The following CCDC60 variants were observed in gnomAD, a reference collection of about 807,000 sequenced individuals.
CCDC60 encodes coiled-coil domain-containing protein 60.
CCDC60 carries 54 observed loss-of-function variants against 63.5 expected under a neutral mutation model. That is an observed-to-expected ratio of 0.85 (90% CI 0.68 to 1.07). CCDC60 has a LOEUF of 1.07. CCDC60 is among the 50% of genes least tolerant of loss of function. The probability of loss-of-function intolerance (pLI) is 0.00; values close to 1 mark genes in which losing one functional copy is unlikely to be tolerated. For synonymous variants in CCDC60, 206 were observed against 238.8 expected (o/e 0.86, Z 1.27); for missense variants, 651 against 684.3 (o/e 0.95, Z 0.54).
chr12:119,335,281 T>C lies in CCDC60; in HGVS notation c.90+15T>C. 1.9e-6 allele frequency: 3 copies of C among 1,560,340 alleles called. No homozygotes were observed. The highest frequency in any genetic ancestry group is 2.6e-6 in the Non-Finnish European group (3 of 1,149,836). The stretch of plus-strand genomic sequence containing the variant: ...ACCTAAGGCAGGTAAGTCTCCCCTC[T>C]GCTGAAACCAATCATGTTTTCGAGA... On this transcript the variant is annotated intron_variant, in intron 1 of 13. Coordinates refer to ENST00000327554, the MANE Select transcript of CCDC60 (RefSeq NM_178499.5).
intron 6 of CCDC60, among the ~76,000 whole-genome samples, chr12:119,503,443 C>G (rs1951907519): frequency 1.3e-5 from 2 of 152,312 alleles, no homozygotes; most frequent in South Asian, 4.1e-4. Context: ...GCTTTGGGTG[C>G]TTGGCATTTC....
intron 2 of CCDC60, among the ~76,000 whole-genome samples, chr12:119,436,619 A>C (rs1363706745): frequency 6.6e-6 from 1 of 150,630 alleles, no homozygotes; most frequent in African/African-American, 2.5e-5. Flanking sequence ...GCTCACTGCA[A>C]CCTCCGCCTC....
chr12:119,488,687 T>A, intron 4 of CCDC60, 72 bp from the exon 5 acceptor site: 2 of 1,302,720 alleles, frequency 1.5e-6, no homozygotes, highest in Non-Finnish European at 2.2e-6. Context: ...CCACTACTAT[T>A]TCTGTGGCTA....
At chr12:119,383,008 G>A (rs1479003819) in intron 1 of CCDC60, among the ~76,000 whole-genome samples, 1 of 152,190 alleles carries the variant, frequency 6.6e-6, no homozygotes, top group Non-Finnish European at 1.5e-5. Context: ...CTTGAAGCTG[G>A]TCTTGCAGGC....
intron 13 of CCDC60, among the ~76,000 whole-genome samples, chr12:119,533,120 T>A (rs1431664487): frequency 1.3e-5 from 2 of 152,234 alleles, no homozygotes; most frequent in East Asian, 3.8e-4. Flanking sequence ...CTAACTGGCA[T>A]GAGATGGTAT....
intron 2 of CCDC60, chr12:119,447,666 A>C (rs765384170): frequency 3.3e-5 from 5 of 152,288 alleles, no homozygotes; most frequent in Admixed American, 6.5e-5. Flanking sequence ...TCTCGAAAAA[A>C]ACATATTGAA....
At chr12:119,416,507 A>C (rs1227579006) in intron 1 of CCDC60, among the ~76,000 whole-genome samples, 1 of 152,200 alleles carries the variant, frequency 6.6e-6, no homozygotes, top group Non-Finnish European at 1.5e-5. Context: ...TAGAAAATGA[A>C]GTTCTTTATT....
intron 2 of CCDC60, among the ~76,000 whole-genome samples, chr12:119,459,740 A>C (rs1255101669): frequency 6.6e-6 from 1 of 152,164 alleles, no homozygotes; most frequent in African/African-American, 2.4e-5. Flanking sequence ...GAACTGACTC[A>C]GTGCAAGAAG....
intron 1 of CCDC60, among the ~76,000 whole-genome samples, chr12:119,378,968 T>G (rs1955982148): frequency 6.6e-6 from 1 of 152,174 alleles, no homozygotes; most frequent in African/African-American, 2.4e-5. Context: ...CAACACATTC[T>G]GGTGGGTCTG....
intron 2 of CCDC60, among the ~76,000 whole-genome samples, chr12:119,459,579 T>C (rs968550558): frequency 3.9e-5 from 6 of 152,200 alleles, no homozygotes; most frequent in Non-Finnish European, 8.8e-5. Context: ...ACAAGATTCC[T>C]GACCACCCCC....
intron 2 of CCDC60, among the ~76,000 whole-genome samples, chr12:119,450,790 G>A (rs190137236): frequency 1.8e-3 from 276 of 151,880 alleles, no homozygotes; most frequent in Non-Finnish European, 2.7e-3. Flanking sequence ...CCCAGGAGGC[G>A]GAGGTTGCGG....
chr12:119,343,991 T>TTC (rs1955560124), intron 1 of CCDC60, among the ~76,000 whole-genome samples: 1 of 152,094 alleles, frequency 6.6e-6, no homozygotes, highest in Admixed American at 6.6e-5. Flanking sequence ...TCCCAAAGGG[T>TTC]TGTCAAATTA....
chr12:119,527,635 G>C (rs1310561528), intron 11 of CCDC60, among the ~76,000 whole-genome samples: 1 of 145,328 alleles, frequency 6.9e-6, no homozygotes, highest in African/African-American at 2.5e-5. Flanking sequence ...CTTTATCTCA[G>C]AGACTTTGTT....
chr12:119,534,092 C>T (rs1485539063), intron 13 of CCDC60, among the ~76,000 whole-genome samples: 1 of 152,096 alleles, frequency 6.6e-6, no homozygotes, highest in South Asian at 2.1e-4. Context: ...TCTTTTATTT[C>T]GTTGAGCAGT....
chr12:119,518,949 T>C lies in CCDC60; in HGVS notation c.969-1172T>C, dbSNP rs147511410. Among the ~76,000 whole-genome samples the C allele has an allele frequency of 1.6e-4, 25 of 152,226 alleles. No individual in the cohort carries two copies. In the East Asian group the frequency reaches 4.6e-3, roughly 28 times the overall value. ...TTTCAATTTAATGATAAAATAACCA[T>C]GGTTACAGAGCAAGAATGTGTTGAA... On this transcript the variant is annotated intron_variant, in intron 8 of 13. Coordinates refer to ENST00000327554, the MANE Select transcript of CCDC60 (RefSeq NM_178499.5).
intron 7 of CCDC60, among the ~76,000 whole-genome samples, chr12:119,514,515 A>G (rs1487352507): frequency 1.3e-5 from 2 of 152,240 alleles, no homozygotes; most frequent in South Asian, 4.1e-4. Context: ...ATGTTTTAAA[A>G]GTAAAAAATT....
chr12:119,378,024 A>G (rs188738389), intron 1 of CCDC60, among the ~76,000 whole-genome samples: 89 of 152,378 alleles, frequency 5.8e-4, no homozygotes, highest in African/African-American at 2.0e-3. Context: ...TTCCAGCTCC[A>G]TGGTGAAATG....
chr12:119,444,159 T>G (rs1184273766), intron 2 of CCDC60, among the ~76,000 whole-genome samples: 1 of 152,234 alleles, frequency 6.6e-6, no homozygotes, highest in African/African-American at 2.4e-5. Context: ...GTTCTATAGT[T>G]TGTTGTTTGC....
chr12:119,472,734 C>A (rs1254341624), intron 3 of CCDC60, among the ~76,000 whole-genome samples: 3 of 152,034 alleles, frequency 2.0e-5, no homozygotes, highest in East Asian at 1.9e-4. Context: ...GTGCCCACCA[C>A]CACGCCTGGC....
Sources: gnomAD v4.1 joint callset for allele counts (sites outside exome capture counted in the v4.1 genomes callset) on GRCh38, gnomAD v4.1.1 for gene constraint, MANE v1.5 for transcripts, NCBI Gene and HGNC (gene_info 2026-07-23, HGNC 2026-07-21) for gene names.